Variants in VRTN observed in about 807,000 individuals in gnomAD.
The protein encoded by VRTN is vertebrae development associated.
A neutral mutation model predicts 18.2 loss-of-function variants in VRTN; 5 were observed. The ratio of observed to expected loss-of-function variants is 0.27; its 90% CI spans 0.14 to 0.58. The LOEUF is 0.58. Ranked by LOEUF, VRTN falls within the 20% of genes least tolerant of loss-of-function variation. The pLI is 0.91. For missense variants in VRTN, 741 were observed against 939.4 expected (o/e 0.79, Z 2.76); for synonymous variants, 381 against 393.7 (o/e 0.97, Z 0.38).
intron 1 of VRTN, among the ~76,000 whole-genome samples, chr14:74,336,898 T>A (rs375968720): frequency 6.6e-6 from 1 of 152,230 alleles, no homozygotes; most frequent in Admixed American, 6.6e-5. Context: ...TTAGATCTTA[T>A]CTAGATGCTA....
At chr14:74,316,872 C>T (rs1332063441) in intron 1 of VRTN, among the ~76,000 whole-genome samples, 2 of 151,882 alleles carry the variant, frequency 1.3e-5, no homozygotes, top group South Asian at 2.1e-4. Flanking sequence ...TTCCTGACCT[C>T]GTGATCCGCC....
rs1313007820 is a variant in VRTN, at chr14:74,341,965, T to G, written c.-2+4081T>G. Among the ~76,000 whole-genome samples, 4 of 145,230 alleles carry G rather than the reference T, an allele frequency of 2.8e-5. No homozygotes were observed. The East Asian group carries it at 8.5e-4, about 31-fold the overall frequency. On this transcript the variant is annotated intron_variant, in intron 2 of 2. Coordinates refer to the VRTN transcript ENST00000557177. ...GCTGGGAAACTGGGATTTTGGTGTT[T>G]GAACACCTTAATAACCAGGCCCTTA... is the stretch of plus-strand genomic sequence containing the variant.
chr14:74,358,472 C>T lies in VRTN; in HGVS notation c.1689C>T (p.Pro563=), dbSNP rs377210667. The part of the protein sequence containing the change: ...RGLSKLQVPV[P]TLGKGGQEAE... ...TGTCCAAACTTCAGGTGCCGGTCCCCACCTTGGGCAAAGGGGGGCAGGAGG... is the reference window on the plus strand; with the variant it reads ...TGTCCAAACTTCAGGTGCCGGTCCCTACCTTGGGCAAAGGGGGGCAGGAGG... Residue 563 remains proline, a synonymous_variant, in exon 2 of 2, where the codon CCC becomes CCT. Coordinates refer to ENST00000256362, the MANE Select transcript of VRTN (RefSeq NM_018228.3). The surrounding 1 kb of genome is among the most constrained non-coding windows in gnomAD (Gnocchi z 5.4). The T allele has an allele frequency of 6.2e-7, 1 of 1,614,050 alleles. No individual in the cohort carries two copies. The highest frequency in any genetic ancestry group is 8.5e-7 in the Non-Finnish European group (1 of 1,180,030).
Position 74,358,360 on chromosome 14 carries a change from T to TCTGCCGCTTCCG in VRTN, c.1579_1590dup (p.Cys527_Arg530dup). 6.2e-7 allele frequency: 1 copy of TCTGCCGCTTCCG among 1,613,732 alleles called. No individual in the cohort carries two copies. Among genetic ancestry groups the TCTGCCGCTTCCG allele is most frequent in the Non-Finnish European group, 8.5e-7 (1 of 1,180,002 alleles). On this transcript the variant is annotated inframe_insertion, in exon 2 of 2. Transcript: ENST00000256362. This position sits in a 1 kb window ranked among gnomAD's most constrained non-coding sequence, Gnocchi z 5.4. ...CAGGTGCTGAGTGGGCATCTCCCTT[T>TCTGCCGCTTCCG]CTGCCGCTTCCGCCTCCGCTACCCC... is the stretch of plus-strand genomic sequence containing the variant.
chr14:74,317,434 C>T (rs2085425224), intron 1 of VRTN, among the ~76,000 whole-genome samples: 1 of 152,198 alleles, frequency 6.6e-6, no homozygotes, highest in Admixed American at 6.5e-5. Context: ...CTATTGTCTT[C>T]TAGTGAGTGC....
upstream of VRTN, among the ~76,000 whole-genome samples, chr14:74,344,911 T>C (rs2085634067): frequency 6.6e-6 from 1 of 152,128 alleles, no homozygotes; most frequent in Non-Finnish European, 1.5e-5. Flanking sequence ...CTGTCTCTGA[T>C]ACTTGCTTGT....
intron 1 of VRTN, among the ~76,000 whole-genome samples, chr14:74,349,899 G>C (rs2085673086): frequency 6.6e-6 from 1 of 152,250 alleles, no homozygotes; most frequent in Non-Finnish European, 1.5e-5. Flanking sequence ...TCTAATCTCA[G>C]GCAAGAGGAG....
chr14:74,346,279 A>G (rs192154025), upstream of VRTN, among the ~76,000 whole-genome samples: 18 of 152,284 alleles, frequency 1.2e-4, no homozygotes, highest in African/African-American at 4.3e-4. Context: ...CCCAGCAGCA[A>G]CAGAGTGAAA....
intron 1 of VRTN, among the ~76,000 whole-genome samples, chr14:74,314,924 A>G (rs190022485): frequency 2.9e-4 from 44 of 152,254 alleles, no homozygotes; most frequent in African/African-American, 8.9e-4. Context: ...TTTTCAGACA[A>G]GGTAGGTCAG....
chr14:74,340,250 T>C (rs1488822037), intron 2 of VRTN, among the ~76,000 whole-genome samples: 2 of 152,048 alleles, frequency 1.3e-5, no homozygotes, highest in African/African-American at 2.4e-5. Context: ...GTAGCTGGGA[T>C]TATAGGCATG....
chr14:74,318,042 C>T (rs2085428768), intron 1 of VRTN, among the ~76,000 whole-genome samples: 1 of 151,934 alleles, frequency 6.6e-6, no homozygotes, highest in Non-Finnish European at 1.5e-5. Flanking sequence ...TTGCTTGAGC[C>T]CAGGAGTTCA....
chr14:74,328,358 A>G (rs531886389), intron 1 of VRTN, among the ~76,000 whole-genome samples: 33 of 152,246 alleles, frequency 2.2e-4, no homozygotes, highest in Non-Finnish European at 4.0e-4. Flanking sequence ...TTCAGCCACA[A>G]TACTCCCAAG....
chr14:74,318,031 A>T (rs1448090780), intron 1 of VRTN, among the ~76,000 whole-genome samples: 1 of 152,130 alleles, frequency 6.6e-6, no homozygotes, highest in Non-Finnish European at 1.5e-5. Context: ...AGGCAAGAGG[A>T]TTGCTTGAGC....
chr14:74,340,746 A>ATTTATT (rs915868444), intron 2 of VRTN, among the ~76,000 whole-genome samples: 1 of 152,148 alleles, frequency 6.6e-6, no homozygotes, highest in African/African-American at 2.4e-5. Flanking sequence ...TGAAATAACA[A>ATTTATT]TTTATTTTTA....
At chr14:74,349,815 A>T (rs2085672406) in intron 1 of VRTN, among the ~76,000 whole-genome samples, 1 of 152,164 alleles carries the variant, frequency 6.6e-6, no homozygotes, top group Non-Finnish European at 1.5e-5. Context: ...GTGGCCATTC[A>T]TTCATTCCTT....
At chr14:74,304,202 G>A (rs904335524) in intron 1 of VRTN, among the ~76,000 whole-genome samples, 7 of 151,682 alleles carry the variant, frequency 4.6e-5, no homozygotes, top group African/African-American at 1.7e-4. Context: ...TGTGGCTCAG[G>A]CTGGAGTGCA....
chr14:74,308,660 A>G (rs961035807), intron 1 of VRTN, among the ~76,000 whole-genome samples: 1 of 150,318 alleles, frequency 6.7e-6, no homozygotes, highest in African/African-American at 2.5e-5. Context: ...GATTACAGGC[A>G]CCCGCCACCA....
At chr14:74,352,628 G>A (rs146175228) in intron 1 of VRTN, among the ~76,000 whole-genome samples, 3 of 151,542 alleles carry the variant, frequency 2.0e-5, no homozygotes, top group African/African-American at 7.3e-5. Context: ...ATAGCTCACT[G>A]TAACCTCGAA....
In VRTN at chr14:74,354,005, C is replaced by T. The variant is rs1308723586; in HGVS notation, c.-1-2778C>T. Among the ~76,000 whole-genome samples the T allele has an allele frequency of 3.9e-5, 6 of 152,292 alleles. No homozygotes were observed. The East Asian group carries it at 5.8e-4, about 15-fold the overall frequency. Reference sequence around the variant, plus strand: ...GCCAGGCTGGTCTTGAACTCCCGACCTCAAGTGATCTGCCTGCCTCGGCCT... The same window carrying T: ...GCCAGGCTGGTCTTGAACTCCCGACTTCAAGTGATCTGCCTGCCTCGGCCT... On this transcript the variant is annotated intron_variant, in intron 1 of 1. Coordinates refer to ENST00000256362, the MANE Select transcript of VRTN (RefSeq NM_018228.3).
Sources: gnomAD v4.1 joint callset for allele counts (sites outside exome capture counted in the v4.1 genomes callset) on GRCh38, gnomAD v4.1.1 for gene constraint, Gnocchi (gnomAD v3.1) non-coding constraint, MANE v1.5 for transcripts, NCBI Gene and HGNC (gene_info 2026-07-23, HGNC 2026-07-21) for gene names.